The following ITPKB variants were observed in gnomAD, a reference collection of about 807,000 sequenced individuals.
ITPKB encodes inositol-trisphosphate 3-kinase B.
Under a neutral mutation model 69.4 loss-of-function variants are expected in ITPKB, and 13 were observed. The ratio of observed to expected loss-of-function variants is 0.19; its 90% CI spans 0.12 to 0.30. The LOEUF is 0.30. Among genes scored for constraint, ITPKB ranks in the 10% least tolerant of loss-of-function variants. The pLI is 1.00. For missense variants in ITPKB, 1,240 were observed against 1,250.5 expected (o/e 0.99, Z 0.13); for synonymous variants, 584 against 513.7 (o/e 1.14, Z -1.85).
Position 226,633,868 on chromosome 1 carries a change from C to T in ITPKB, c.*803G>A, listed in dbSNP as rs1668772836. ...AGAGACTCTATAGATCCCATCTTCCCCTGGTAGCACCCTTGGAGCTCAGCA... is the reference window on the plus strand; with the variant it reads ...AGAGACTCTATAGATCCCATCTTCCTCTGGTAGCACCCTTGGAGCTCAGCA... On this transcript the variant is annotated 3_prime_UTR_variant, in exon 8 of 8. Coordinates refer to ENST00000429204, the MANE Select transcript of ITPKB (RefSeq NM_002221.4). 6.6e-6 allele frequency: 1 copy of T among 152,286 alleles called. No individual in the cohort carries two copies. The highest frequency in any genetic ancestry group is 6.5e-5 in the Admixed American group (1 of 15,294). 9.4% of individuals were successfully genotyped at this position (152,286 alleles called of 1,614,324 possible).
At position 226,670,489 on chromosome 1, in the gene ITPKB, C is replaced by T. The variant is rs540072953; in HGVS notation, c.1933-21718G>A. On this transcript the variant is annotated intron_variant, in intron 2 of 7. Coordinates refer to ENST00000429204, the MANE Select transcript of ITPKB (RefSeq NM_002221.4). ...GTGAAAATAGCCCAACTTCCAACAA[C>T]AGAGGATGATTAAACAAATTAGAGG... Among the ~76,000 whole-genome samples, 256 of 152,290 alleles carry T rather than the reference C, an allele frequency of 1.7e-3. 2 individuals are homozygous for T. Among genetic ancestry groups the T allele is most frequent in the African/African-American group, 6.0e-3 (249 of 41,548 alleles).
At chr1:226,645,497 CTG>C (rs1219350650) in intron 4 of ITPKB, among the ~76,000 whole-genome samples, 1 of 152,196 alleles carries the variant, frequency 6.6e-6, no homozygotes, top group Non-Finnish European at 1.5e-5. Context: ...GCTTGGCTGG[CTG>C]TGTCTTTGGG....
intron 2 of ITPKB, chr1:226,707,750 C>T (rs1656838035): frequency 9.5e-7 from 1 of 1,048,852 alleles, no homozygotes; most frequent in African/African-American, 1.7e-5. Context: ...CAAACAAAAT[C>T]CAATGGTCGT....
chr1:226,685,802 C>T (rs1447074342), intron 2 of ITPKB, among the ~76,000 whole-genome samples: 1 of 152,148 alleles, frequency 6.6e-6, no homozygotes, highest in African/African-American at 2.4e-5. Flanking sequence ...CAACATTGTA[C>T]AAGGAAAAAA....
chr1:226,648,466 G>GT (rs1553316922), intron 3 of ITPKB, among the ~76,000 whole-genome samples: 1 of 151,808 alleles, frequency 6.6e-6, no homozygotes, highest in African/African-American at 2.4e-5. Context: ...GGAGGATGGG[G>GT]TAACACAGAC....
intron 2 of ITPKB, among the ~76,000 whole-genome samples, chr1:226,677,116 G>A (rs1031188871): frequency 6.6e-6 from 1 of 152,148 alleles, no homozygotes; most frequent in African/African-American, 2.4e-5. Context: ...GAGGCCAAAG[G>A]CATCCCCATC....
rs768009940 is a variant in ITPKB, at chr1:226,735,590, A to G, written c.1869T>C (p.Pro623=). The G allele has an allele frequency of 2.5e-6, 4 of 1,592,194 alleles. No individual in the cohort carries two copies. The highest frequency in any genetic ancestry group is 1.4e-5 in the African/African-American group (1 of 74,062). ...CTGAGTTGGGGTCCAGGGTGCGCTC[A>G]GGGTCACTGGAGATGTCCTCCTCTG... is the stretch of plus-strand genomic sequence containing the variant. ...EDSEEDISSD[P]ERTLDPNSAF... The change falls in exon 2 of 8, where the codon CCT becomes CCC. Residue 623 remains proline (P), a synonymous_variant. Transcript: ENST00000429204.
chr1:226,676,352 T>C (rs1410870659), intron 2 of ITPKB: 3 of 152,306 alleles, frequency 2.0e-5, no homozygotes, highest in African/African-American at 4.8e-5. Context: ...CATAAATTAT[T>C]TTAATCCAAG....
chr1:226,660,040 G>T (rs535715758), intron 2 of ITPKB, among the ~76,000 whole-genome samples: 19 of 152,320 alleles, frequency 1.2e-4, no homozygotes, highest in African/African-American at 4.6e-4. Context: ...TAACAAGAGG[G>T]GGCATATTTG....
intron 2 of ITPKB, among the ~76,000 whole-genome samples, chr1:226,735,208 G>A (rs1035254842): frequency 1.3e-5 from 2 of 152,226 alleles, no homozygotes; most frequent in East Asian, 1.9e-4. Context: ...TAGTCCAGAA[G>A]TTTTTGGTGA....
At position 226,648,659 on chromosome 1, in the gene ITPKB, G is replaced by C; in HGVS notation, c.2032+13C>G. On this transcript the variant is annotated intron_variant, in intron 3 of 7. Coordinates refer to ENST00000429204, the MANE Select transcript of ITPKB (RefSeq NM_002221.4). ...AGCACCATGCTGGGAAAGTCTGGGA[G>C]AGCTGTGTCTACCTGCGTGTCCTGC... 1 of 1,536,138 alleles carries C rather than the reference G, an allele frequency of 6.5e-7. No homozygotes were observed. The highest frequency in any genetic ancestry group is 9.0e-7 in the Non-Finnish European group (1 of 1,108,890).
At chr1:226,732,666 G>A (rs914840737) in intron 2 of ITPKB, among the ~76,000 whole-genome samples, 1 of 151,316 alleles carries the variant, frequency 6.6e-6, no homozygotes, top group Non-Finnish European at 1.5e-5. Context: ...GTGTCTCAAT[G>A]GTCCAGATTC....
intron 3 of ITPKB, 88 bp from the exon 4 acceptor site, chr1:226,647,468 G>A (rs1669084587): frequency 5.3e-6 from 5 of 941,076 alleles, no homozygotes; most frequent in Non-Finnish European, 3.3e-6. Flanking sequence ...GGGCCTCCCT[G>A]GGGATGGCTA....
At chr1:226,702,173 A>C (rs1330418794) in intron 2 of ITPKB, among the ~76,000 whole-genome samples, 1 of 152,116 alleles carries the variant, frequency 6.6e-6, no homozygotes, top group African/African-American at 2.4e-5. Flanking sequence ...AGGTGGGTGG[A>C]TCACTTGAGG....
At chr1:226,713,965 A>G (rs4653464) in intron 2 of ITPKB, among the ~76,000 whole-genome samples, 1,913 of 152,244 alleles carry the variant, frequency 0.013, 92 homozygotes, top group Admixed American at 0.071. Context: ...CAGATAATTG[A>G]TATTTTTTAA....
rs1240743655 is a variant in ITPKB, at chr1:226,633,036, T to G, written c.*1635A>C. ...CTCCACCGGGCGCGTGTGTGACCTT[T>G]AGCAAGTCGGCCCACACAGGAGCTC... On this transcript the variant is annotated 3_prime_UTR_variant, in exon 8 of 8. Transcript: ENST00000429204. 6.6e-6 allele frequency: 1 copy of G among 152,216 alleles called. No individual in the cohort carries two copies. Among genetic ancestry groups the G allele is most frequent in the Admixed American group, 6.5e-5 (1 of 15,284 alleles). 9.4% of individuals were successfully genotyped at this position (152,216 alleles called of 1,614,324 possible).
intron 2 of ITPKB, among the ~76,000 whole-genome samples, chr1:226,693,723 A>T (rs998609209): frequency 1.3e-5 from 2 of 152,240 alleles, no homozygotes; most frequent in African/African-American, 4.8e-5. Flanking sequence ...TGGTCATAGG[A>T]GCCAGTCCCA....
At chr1:226,650,630 G>A (rs1669169906) in intron 2 of ITPKB, among the ~76,000 whole-genome samples, 1 of 152,234 alleles carries the variant, frequency 6.6e-6, no homozygotes, top group Non-Finnish European at 1.5e-5. Flanking sequence ...TGGGTCCAGG[G>A]GGAGAGTGCA....
rs146855114 is a variant in ITPKB, at chr1:226,735,570, T to C, written c.1889A>G (p.Asn630Ser). Residue 630 changes from asparagine (N) to serine (S), a missense_variant, in exon 2 of 8, where the codon AAC (asparagine) becomes AGC (serine). By Grantham distance (46) the Asn-to-Ser change is conservative. Around this residue, in one of 2 missense-constraint regions of ITPKB, gnomAD observed 992 missense variants for 853.8 expected, o/e 1.16. Transcript: ENST00000429204. ...SSDPERTLDP[N>S]SAFLHTLDQQ... The stretch of plus-strand genomic sequence containing the variant: ...GTCCAGGGTATGCAGGAAGGCTGAG[T>C]TGGGGTCCAGGGTGCGCTCAGGGTC... 19 of 1,560,284 alleles carry C rather than the reference T, an allele frequency of 1.2e-5. No individual in the cohort carries two copies. The highest frequency in any genetic ancestry group is 9.1e-5 in the East Asian group (4 of 44,104).
Sources: gnomAD v4.1 joint callset for allele counts (sites outside exome capture counted in the v4.1 genomes callset) on GRCh38, gnomAD v4.1.1 for gene constraint, gnomAD v4.1.1 regional missense constraint, MANE v1.5 for transcripts, NCBI Gene and HGNC (gene_info 2026-07-23, HGNC 2026-07-21) for gene names.